The following PPFIA2 variants were observed in gnomAD, a reference collection of about 807,000 sequenced individuals.
PPFIA2 encodes the protein liprin-alpha-2.
Under a neutral mutation model 175.5 loss-of-function variants are expected in PPFIA2, and 46 were observed. That is an observed-to-expected ratio of 0.26 (90% CI 0.21 to 0.34). PPFIA2 has a LOEUF of 0.34. Among genes scored for constraint, PPFIA2 ranks in the 10% least tolerant of loss-of-function variants. PPFIA2 has a pLI of 1.00. For synonymous variants in PPFIA2, 568 were observed against 511.4 expected (o/e 1.11, Z -1.49); for missense variants, 1,179 against 1,506.1 (o/e 0.78, Z 3.60).
chr12:81,288,520 T>C (rs557121498), intron 24 of PPFIA2, among the ~76,000 whole-genome samples: 1 of 151,724 alleles, frequency 6.6e-6, no homozygotes, highest in Non-Finnish European at 1.5e-5. Context: ...AAATAAATAT[T>C]ACAATGAACT....
intron 4 of PPFIA2, among the ~76,000 whole-genome samples, chr12:81,591,432 G>C (rs962379317): frequency 6.6e-6 from 1 of 152,206 alleles, no homozygotes; most frequent in Non-Finnish European, 1.5e-5. Context: ...TAAGTAACAA[G>C]AAGCTGAATG....
intron 7 of PPFIA2, among the ~76,000 whole-genome samples, chr12:81,420,750 T>C (rs929365886): frequency 1.3e-5 from 2 of 151,946 alleles, no homozygotes; most frequent in African/African-American, 4.8e-5. Context: ...ATAGAAAGCA[T>C]ATTTAGAGAA....
chr12:81,269,100 C>T (rs1325940240), intron 28 of PPFIA2, among the ~76,000 whole-genome samples: 1 of 150,926 alleles, frequency 6.6e-6, no homozygotes, highest in Non-Finnish European at 1.5e-5. Flanking sequence ...GAGAAAAATG[C>T]CGTTTCTTTT....
chr12:81,494,063 C>T (rs551800806), intron 4 of PPFIA2, among the ~76,000 whole-genome samples: 66 of 151,834 alleles, frequency 4.3e-4, no homozygotes, highest in South Asian at 1.2e-3. Flanking sequence ...ACACCAAAAG[C>T]AATGGCAACA....
At chr12:81,680,876 G>T (rs998981720) in intron 3 of PPFIA2, among the ~76,000 whole-genome samples, 2 of 151,948 alleles carry the variant, frequency 1.3e-5, no homozygotes, top group African/African-American at 4.8e-5. Flanking sequence ...CAAAATTTAA[G>T]TAGGTGCTGG....
At chr12:81,621,425 C>T (rs1219149080) in intron 4 of PPFIA2, among the ~76,000 whole-genome samples, 1 of 152,138 alleles carries the variant, frequency 6.6e-6, no homozygotes, top group Non-Finnish European at 1.5e-5. Flanking sequence ...AGCAAGCAGG[C>T]TGAATGAAAC....
intron 4 of PPFIA2, among the ~76,000 whole-genome samples, chr12:81,460,260 A>G (rs1399618775): frequency 1.3e-5 from 2 of 152,016 alleles, no homozygotes; most frequent in African/African-American, 4.8e-5. Flanking sequence ...AGATCTGATG[A>G]TTTTATAAAG....
chr12:81,316,389 T>C lies in PPFIA2; in HGVS notation c.2642+9388A>G, dbSNP rs149097604. Among the ~76,000 whole-genome samples, 419 of 151,722 alleles carry C rather than the reference T, an allele frequency of 2.8e-3. 1 individual carries two copies. The highest frequency in any genetic ancestry group is 9.7e-3 in the African/African-American group (405 of 41,540). ...AAGATGTCAGCATTATATTTAAATA[T>C]ACTTTAATTTGATTTTTTTATTTAA... On this transcript the variant is annotated intron_variant, in intron 22 of 32. Coordinates refer to ENST00000549396, the MANE Select transcript of PPFIA2 (RefSeq NM_003625.5).
At chr12:81,363,290 A>T (rs1398242635) in intron 14 of PPFIA2, among the ~76,000 whole-genome samples, 4 of 151,312 alleles carry the variant, frequency 2.6e-5, no homozygotes, top group East Asian at 2.0e-4. Context: ...TTAATTAATT[A>T]ATTAATTTAT....
At chr12:81,306,928 A>G (rs1001495495) in intron 22 of PPFIA2, among the ~76,000 whole-genome samples, 4 of 152,150 alleles carry the variant, frequency 2.6e-5, no homozygotes, top group East Asian at 1.9e-4. Flanking sequence ...TTTAATCTTC[A>G]TTACAAAGAG....
At chr12:81,614,994 T>C (rs1351061007) in intron 4 of PPFIA2, among the ~76,000 whole-genome samples, 2 of 152,172 alleles carry the variant, frequency 1.3e-5, no homozygotes, top group African/African-American at 2.4e-5. Flanking sequence ...AATTACATCT[T>C]GGTACTGCTT....
At chr12:81,300,952 C>A (rs1252666066) in intron 22 of PPFIA2, among the ~76,000 whole-genome samples, 1 of 151,964 alleles carries the variant, frequency 6.6e-6, no homozygotes, top group Non-Finnish European at 1.5e-5. Context: ...ATGGACAAAA[C>A]AAACACATGA....
intron 8 of PPFIA2, among the ~76,000 whole-genome samples, chr12:81,400,664 G>A (rs2041955795): frequency 6.6e-6 from 1 of 152,052 alleles, no homozygotes; most frequent in African/African-American, 2.4e-5. Context: ...CATTTTTAGA[G>A]AACAGTCACG....
At chr12:81,637,506 G>T (rs2064264331) in intron 4 of PPFIA2, among the ~76,000 whole-genome samples, 1 of 151,706 alleles carries the variant, frequency 6.6e-6, no homozygotes, top group Non-Finnish European at 1.5e-5. Flanking sequence ...CTCAAGGTAT[G>T]GCCATCTCTA....
chr12:81,403,791 C>T (rs1227158021), intron 8 of PPFIA2, among the ~76,000 whole-genome samples: 4 of 152,128 alleles, frequency 2.6e-5, no homozygotes, highest in Non-Finnish European at 4.4e-5. Flanking sequence ...CAAGTGCTGA[C>T]AGGCCACCGT....
intron 24 of PPFIA2, among the ~76,000 whole-genome samples, chr12:81,288,553 A>C (rs1473783409): frequency 6.6e-6 from 1 of 151,854 alleles, no homozygotes; most frequent in Admixed American, 6.6e-5. Flanking sequence ...TGTGAAAATT[A>C]ATCAGGTGAA....
chr12:81,557,472 C>A (rs1010742998), intron 4 of PPFIA2, among the ~76,000 whole-genome samples: 2 of 151,838 alleles, frequency 1.3e-5, no homozygotes, highest in African/African-American at 2.4e-5. Context: ...TGGTTAAAAT[C>A]CCTGCATATT....
intron 22 of PPFIA2, among the ~76,000 whole-genome samples, chr12:81,304,502 C>CTT (rs2048667573): frequency 6.6e-6 from 1 of 152,056 alleles, no homozygotes; most frequent in African/African-American, 2.4e-5. Flanking sequence ...TAGACTAAGG[C>CTT]AGTAAAGTAG....
intron 22 of PPFIA2, among the ~76,000 whole-genome samples, chr12:81,310,208 G>T (rs868705936): frequency 3.6e-4 from 54 of 151,964 alleles, no homozygotes; most frequent in African/African-American, 1.2e-3. Context: ...AGTCACTCAG[G>T]GCCATGTAGC....
Sources: gnomAD v4.1 joint callset for allele counts (sites outside exome capture counted in the v4.1 genomes callset) on GRCh38, gnomAD v4.1.1 for gene constraint, MANE v1.5 for transcripts, NCBI Gene and HGNC (gene_info 2026-07-23, HGNC 2026-07-21) for gene names.